Variants in STAU2 observed in about 807,000 individuals in gnomAD.
STAU2 encodes double-stranded RNA-binding protein Staufen homolog 2.
A neutral mutation model predicts 65.9 loss-of-function variants in STAU2; 20 were observed. The ratio of observed to expected loss-of-function variants is 0.30; its 90% CI spans 0.21 to 0.44. The LOEUF (loss-of-function observed/expected upper bound fraction) is 0.44, where lower values mean the gene tolerates loss of function less well. Ranked by LOEUF, STAU2 falls within the 20% of genes least tolerant of loss-of-function variation. STAU2 has a pLI of 1.00. For synonymous variants in STAU2, 232 were observed against 233.9 expected, an observed-to-expected ratio of 0.99 and a Z score of 0.07; for missense variants, 558 against 683.9, an observed-to-expected ratio of 0.82 and a Z score of 2.05.
intron 13 of STAU2, among the ~76,000 whole-genome samples, chr8:73,534,180 C>CTGCACAGAAGCCT (rs1241562150): frequency 6.6e-6 from 1 of 152,186 alleles, no homozygotes; most frequent in Admixed American, 6.5e-5. Flanking sequence ...ACTGTAGCTA[C>CTGCACAGAAGCCT]TGCACAGAAG....
At chr8:73,747,305 C>T, upstream of STAU2, 2 of 1,490,612 alleles carry the variant, frequency 1.3e-6, no homozygotes, top group Non-Finnish European at 1.8e-6. Context: ...TCCACACCTG[C>T]AACTCGGCAA....
intron 13 of STAU2, among the ~76,000 whole-genome samples, chr8:73,539,475 A>G (rs1392893529): frequency 1.3e-5 from 2 of 152,208 alleles, no homozygotes; most frequent in South Asian, 2.1e-4. Context: ...AATGAAAAAT[A>G]TAATTACGCA....
intron 3 of STAU2, among the ~76,000 whole-genome samples, chr8:73,714,949 C>T (rs1230512338): frequency 6.6e-6 from 1 of 151,626 alleles, no homozygotes; most frequent in East Asian, 1.9e-4. Context: ...GGCATGATGG[C>T]GGGTGCCTGT....
intron 13 of STAU2, among the ~76,000 whole-genome samples, chr8:73,453,883 G>A (rs1818930643): frequency 6.6e-6 from 1 of 152,012 alleles, no homozygotes; most frequent in African/African-American, 2.4e-5. Flanking sequence ...CTCTCTCTGT[G>A]AGGATGACAG....
chr8:73,560,075 ATTTT>A (rs35696339), intron 12 of STAU2, among the ~76,000 whole-genome samples: 2 of 83,496 alleles, frequency 2.4e-5, no homozygotes, highest in Non-Finnish European at 2.4e-5. Context: ...TACTGAACAG[ATTTT>A]TTTTTTTTTT....
At chr8:73,713,252 C>A (rs1017346734) in intron 3 of STAU2, among the ~76,000 whole-genome samples, 1 of 152,116 alleles carries the variant, frequency 6.6e-6, no homozygotes, top group African/African-American at 2.4e-5. Flanking sequence ...TATGTCTTCA[C>A]AAAATGTCCT....
intron 13 of STAU2, among the ~76,000 whole-genome samples, chr8:73,510,349 C>T (rs189784788): frequency 5.9e-5 from 9 of 152,178 alleles, no homozygotes; most frequent in African/African-American, 1.9e-4. Flanking sequence ...GGATTACAGG[C>T]GTGAGCCACC....
At chr8:73,471,173 CTTT>C (rs35701266) in intron 13 of STAU2, among the ~76,000 whole-genome samples, 9 of 124,854 alleles carry the variant, frequency 7.2e-5, no homozygotes, top group African/African-American at 1.5e-4. Context: ...CTAATTCTCT[CTTT>C]TTTTTTTTTT....
chr8:73,567,852 G>A (rs766538154), intron 12 of STAU2, among the ~76,000 whole-genome samples: 4 of 151,864 alleles, frequency 2.6e-5, no homozygotes, highest in African/African-American at 9.7e-5. Flanking sequence ...TTACTCGCTG[G>A]GGGGGAGGGG....
chr8:73,515,932 T>A (rs1342689694), intron 13 of STAU2, among the ~76,000 whole-genome samples: 1 of 149,104 alleles, frequency 6.7e-6, no homozygotes, highest in Non-Finnish European at 1.5e-5. Flanking sequence ...GGGCACTGAC[T>A]CTTTTTTTTT....
intron 6 of STAU2, among the ~76,000 whole-genome samples, chr8:73,663,384 C>T (rs1310935735): frequency 2.6e-5 from 4 of 152,150 alleles, no homozygotes; most frequent in African/African-American, 7.2e-5. Flanking sequence ...GCAAGCCAGA[C>T]GTGACCCATG....
At chr8:73,469,742 CA>C (rs910953967) in intron 13 of STAU2, among the ~76,000 whole-genome samples, 6 of 151,944 alleles carry the variant, frequency 3.9e-5, no homozygotes, top group African/African-American at 1.5e-4. Context: ...TAAGAACTCA[CA>C]AAAAAATATC....
At chr8:73,603,990 T>A (rs1811829884) in intron 9 of STAU2, 127 bp from the exon 10 acceptor site, 1 of 1,020,216 alleles carries the variant, frequency 9.8e-7, no homozygotes, top group East Asian at 2.7e-5. Context: ...GATAAATGAG[T>A]CATTTATGAA....
intron 13 of STAU2, among the ~76,000 whole-genome samples, chr8:73,505,269 G>A (rs971763073): frequency 1.3e-5 from 2 of 152,044 alleles, no homozygotes; most frequent in Non-Finnish European, 2.9e-5. Context: ...TAATAAAACA[G>A]TTAAGCAAAA....
intron 9 of STAU2, among the ~76,000 whole-genome samples, chr8:73,609,642 G>T (rs1050559147): frequency 4.6e-5 from 7 of 152,020 alleles, no homozygotes; most frequent in Non-Finnish European, 1.5e-5. Context: ...AACAGAGCGA[G>T]ACCCTGTCTC....
intron 5 of STAU2, among the ~76,000 whole-genome samples, chr8:73,687,115 A>T (rs1388311613): frequency 6.9e-6 from 1 of 144,690 alleles, no homozygotes; most frequent in Non-Finnish European, 1.5e-5. Context: ...CTATATATAA[A>T]TATATAGTTT....
intron 3 of STAU2, among the ~76,000 whole-genome samples, chr8:73,712,433 G>T (rs1401603506): frequency 6.6e-6 from 1 of 152,062 alleles, no homozygotes; most frequent in Non-Finnish European, 1.5e-5. Context: ...GATAATAGTT[G>T]TTCTTATCTC....
intron 13 of STAU2, among the ~76,000 whole-genome samples, chr8:73,468,997 C>T (rs1161891468): frequency 1.3e-5 from 2 of 152,010 alleles, no homozygotes; most frequent in Non-Finnish European, 2.9e-5. Flanking sequence ...TATAAAGACA[C>T]ATGCACACGT....
intron 13 of STAU2, among the ~76,000 whole-genome samples, chr8:73,503,579 C>T (rs564784328): frequency 2.1e-4 from 31 of 150,150 alleles, no homozygotes; most frequent in African/African-American, 7.3e-4. Flanking sequence ...TTTTTTGGCA[C>T]ATAGGGATAC....
Sources: allele counts gnomAD v4.1 joint callset (sites outside exome capture counted in the v4.1 genomes callset), GRCh38; gene constraint gnomAD v4.1.1; transcripts MANE v1.5; gene names NCBI Gene and HGNC (gene_info 2026-07-23, HGNC 2026-07-21).